Variants in NSUN6 observed in about 807,000 individuals in gnomAD.
NSUN6 encodes the protein NOP2/Sun RNA methyltransferase 6, also known as tRNA (cytosine(72)-C(5))-methyltransferase NSUN6.
In NSUN6, 64 loss-of-function variants were observed where a neutral mutation model predicts 58.0. The ratio of observed to expected loss-of-function variants is 1.10; its 90% CI spans 0.90 to 1.36. The LOEUF is 1.36. Ranked by LOEUF, NSUN6 falls within the 40% of genes most tolerant of loss-of-function variation. The pLI is 0.00. For missense variants in NSUN6, 701 were observed against 550.1 expected (o/e 1.27, Z -2.74); for synonymous variants, 231 against 193.9 (o/e 1.19, Z -1.59).
intron 8 of NSUN6, among the ~76,000 whole-genome samples, chr10:18,579,790 G>A (rs947850203): frequency 6.6e-6 from 1 of 152,118 alleles, no homozygotes; most frequent in Non-Finnish European, 1.5e-5. Flanking sequence ...GTCTTGATCA[G>A]CCTTCCACTG....
intron 8 of NSUN6, among the ~76,000 whole-genome samples, chr10:18,581,888 T>C (rs2056920356): frequency 6.6e-6 from 1 of 152,064 alleles, no homozygotes; most frequent in East Asian, 1.9e-4. Flanking sequence ...CATTCTTTTA[T>C]TCCTCTACTT....
chr10:18,590,405 C>A (rs1335880809), intron 7 of NSUN6, among the ~76,000 whole-genome samples: 2 of 152,120 alleles, frequency 1.3e-5, no homozygotes, highest in Non-Finnish European at 2.9e-5. Flanking sequence ...ATCAAGTGGA[C>A]CTAATAGACA....
At chr10:18,607,421 G>T (rs1046093545) in intron 6 of NSUN6, among the ~76,000 whole-genome samples, 3 of 152,008 alleles carry the variant, frequency 2.0e-5, no homozygotes, top group Admixed American at 1.3e-4. Context: ...CCTGGTTCTG[G>T]TCTGCATTGA....
At chr10:18,561,879 A>G (rs1397108596) in intron 8 of NSUN6, among the ~76,000 whole-genome samples, 1 of 151,302 alleles carries the variant, frequency 6.6e-6, no homozygotes, top group Non-Finnish European at 1.5e-5. Flanking sequence ...GGAGAATGGA[A>G]TGGAATGGAG....
intron 7 of NSUN6, among the ~76,000 whole-genome samples, chr10:18,588,517 C>G (rs919301593): frequency 5.9e-5 from 9 of 152,206 alleles, no homozygotes; most frequent in African/African-American, 1.9e-4. Context: ...ACAGACACCT[C>G]ATGCAGGAGA....
Position 18,545,871 on chromosome 10 carries a change from A to G in NSUN6, c.*62T>C, listed in dbSNP as rs1439018025. 1.0e-6 allele frequency: 1 copy of G among 1,004,960 alleles called. No individual in the cohort carries two copies. Among genetic ancestry groups the G allele is most frequent in the Admixed American group, 2.1e-5 (1 of 47,216 alleles). The allele number at this position is 1,004,960 out of a possible 1,614,324, so 62.3% of individuals were successfully genotyped here. ...GTTGGCCTGACAACACTTTGGTTAA[A>G]AAAAAAAAAACCACAGACAGCAAAT... On this transcript the variant is annotated 3_prime_UTR_variant, in exon 11 of 11. Coordinates refer to ENST00000377304, the MANE Select transcript of NSUN6 (RefSeq NM_182543.5).
chr10:18,642,252 A>G (rs1044918350), intron 3 of NSUN6, among the ~76,000 whole-genome samples: 1 of 152,074 alleles, frequency 6.6e-6, no homozygotes, highest in Non-Finnish European at 1.5e-5. Context: ...AAATGGACCT[A>G]AAATGCATTA....
At chr10:18,558,533 A>AATG (rs2055226540) in intron 8 of NSUN6, among the ~76,000 whole-genome samples, 1 of 149,988 alleles carries the variant, frequency 6.7e-6, no homozygotes. Flanking sequence ...AATGGAACGG[A>AATG]GAATGGAATG....
intron 8 of NSUN6, among the ~76,000 whole-genome samples, chr10:18,559,821 G>C (rs1425226606): frequency 1.3e-5 from 2 of 149,882 alleles, no homozygotes; most frequent in African/African-American, 2.4e-5. Flanking sequence ...AAAGAGAATG[G>C]AATGGAATGG....
chr10:18,565,398 C>CTCCAT (rs1245851349), intron 8 of NSUN6, among the ~76,000 whole-genome samples: 1 of 150,408 alleles, frequency 6.6e-6, no homozygotes, highest in African/African-American at 2.4e-5. Flanking sequence ...CCATACCATT[C>CTCCAT]TCCATTCCAT....
intron 3 of NSUN6, among the ~76,000 whole-genome samples, chr10:18,636,376 A>C (rs1266597517): frequency 2.6e-5 from 4 of 151,346 alleles, no homozygotes; most frequent in African/African-American, 9.7e-5. Flanking sequence ...AAAAAAAAAA[A>C]CTGGCCGGCC....
chr10:18,659,239 GA>G (rs1182343428), upstream of NSUN6: 1 of 203,680 alleles, frequency 4.9e-6, no homozygotes, highest in Non-Finnish European at 9.8e-6. Flanking sequence ...TACCGGAAGT[GA>G]AACCGAAGAA....
intron 8 of NSUN6, among the ~76,000 whole-genome samples, chr10:18,583,121 T>C (rs910248621): frequency 6.6e-6 from 1 of 152,192 alleles, no homozygotes; most frequent in Non-Finnish European, 1.5e-5. Flanking sequence ...TATTTTACTA[T>C]TGTGACGTGT....
Position 18,579,315 on chromosome 10 carries a change from C to T in NSUN6, c.922+6634G>A, listed in dbSNP as rs543714754. 3.9e-4 allele frequency among the ~76,000 whole-genome samples: 59 copies of T among 152,132 alleles called. 1 individual carries two copies. In the East Asian group the frequency reaches 5.4e-3, roughly 14 times the overall value. On this transcript the variant is annotated intron_variant, in intron 8 of 10. Transcript: ENST00000377304. ...CCTCCTGAGTAGCTGGGACTATAGG[C>T]GCCCGCCACCACATCCAGCTAATTT...
intron 8 of NSUN6, 91 bp downstream of exon 8, chr10:18,585,858 T>C: frequency 1.1e-6 from 1 of 906,482 alleles, no homozygotes. Context: ...TTCCACATTG[T>C]ATACAAAATT....
upstream of NSUN6, among the ~76,000 whole-genome samples, chr10:18,653,893 G>A (rs1266770041): frequency 2.0e-5 from 3 of 152,158 alleles, no homozygotes; most frequent in Admixed American, 2.0e-4. Flanking sequence ...TGGCTCCCCA[G>A]GGTGTGGGGA....
chr10:18,557,389 T>C (rs1274728955), intron 8 of NSUN6, among the ~76,000 whole-genome samples: 1 of 143,534 alleles, frequency 7.0e-6, no homozygotes, highest in Non-Finnish European at 1.5e-5. Context: ...GAGAGTGGAA[T>C]GGAAGGGAGC....
intron 8 of NSUN6, among the ~76,000 whole-genome samples, chr10:18,582,649 AAAGC>A (rs2056957576): frequency 6.6e-6 from 1 of 152,244 alleles, no homozygotes; most frequent in East Asian, 1.9e-4. Flanking sequence ...TGAAAAGAAT[AAAGC>A]AATCAATCTG....
chr10:18,554,620 G>C (rs906209538), intron 8 of NSUN6, among the ~76,000 whole-genome samples: 15 of 151,340 alleles, frequency 9.9e-5, no homozygotes, highest in African/African-American at 3.6e-4. Context: ...AAAAGGACTG[G>C]AGAATGGAAT....
Sources: allele counts gnomAD v4.1 joint callset (sites outside exome capture counted in the v4.1 genomes callset), GRCh38; gene constraint gnomAD v4.1.1; transcripts MANE v1.5; gene names NCBI Gene and HGNC (gene_info 2026-07-23, HGNC 2026-07-21).